The following ZNF605 variants were observed in gnomAD, a reference collection of about 807,000 sequenced individuals.
ZNF605 encodes the protein zinc finger protein 605.
Under a neutral mutation model 7.9 loss-of-function variants are expected in ZNF605, and 9 were observed. The observed-to-expected ratio is 1.14, with a 90% confidence interval of 0.68 to 1.98. The LOEUF (loss-of-function observed/expected upper bound fraction) is 1.98. Ranked by LOEUF, ZNF605 falls within the 30% of genes most tolerant of loss-of-function variation. The pLI, the probability that ZNF605 is intolerant of heterozygous loss-of-function variation, is 0.00. For synonymous variants in ZNF605, 255 were observed against 260.1 expected, an observed-to-expected ratio of 0.98 and a Z score of 0.19; for missense variants, 673 against 762.4, an observed-to-expected ratio of 0.88 and a Z score of 1.38.
intron 3 of ZNF605, chr12:132,945,297 G>C: frequency 1.1e-6 from 1 of 890,446 alleles, no homozygotes; most frequent in Non-Finnish European, 1.8e-6. Flanking sequence ...TCTACTTTGT[G>C]CTTCTTTGGA....
At position 132,920,428 on chromosome 12, in the gene ZNF605, C is replaced by CT. The variant is rs1566226284; in HGVS notation, c.*4944_*4945insA. The CT allele has an allele frequency of 6.6e-6, 1 of 152,164 alleles. No homozygotes were observed. The highest frequency in any genetic ancestry group is 1.9e-4 in the East Asian group (1 of 5,186). 9.4% of individuals were successfully genotyped at this position (152,164 alleles called of 1,614,324 possible). On this transcript the variant is annotated 3_prime_UTR_variant, in exon 5 of 5. Coordinates refer to ENST00000360187, the MANE Select transcript of ZNF605 (RefSeq NM_183238.4). ...TGCTGGGATTACAGGCGTGAGCCAC[C>CT]GCGCCTGGCCTGGTTTATTTAATGT...
chr12:132,931,097 T>C (rs1237569268), intron 4 of ZNF605, among the ~76,000 whole-genome samples: 1 of 152,160 alleles, frequency 6.6e-6, no homozygotes, highest in Non-Finnish European at 1.5e-5. Flanking sequence ...GAGGAGCTCA[T>C]GAGTCCAGAT....
rs1169628060 is a variant in ZNF605 at position 132,940,486 on chromosome 12, C to G, written c.15+5135G>C. Among the ~76,000 whole-genome samples, 5 of 152,256 alleles carry G rather than the reference C, an allele frequency of 3.3e-5. No homozygotes were observed. The South Asian group carries it at 1.0e-3, about 32-fold the overall frequency. On this transcript the variant is annotated intron_variant, in intron 3 of 4. Coordinates refer to ENST00000360187, the MANE Select transcript of ZNF605 (RefSeq NM_183238.4). ...GTGTACAGCCAACGTACTGTGGATG[C>G]TACAGGACTATGATGTGGTCCCCGG...
chr12:132,932,891 C>CA, intron 4 of ZNF605, 144 bp downstream of exon 4: 1 of 1,355,180 alleles, frequency 7.4e-7, no homozygotes, highest in Non-Finnish European at 9.8e-7. Flanking sequence ...ATAAAGGCTG[C>CA]AAAATAAAGC....
Position 132,941,227 on chromosome 12 carries a change from C to A in ZNF605, c.15+4394G>T, listed in dbSNP as rs902776743. Among the ~76,000 whole-genome samples, 6 of 152,134 alleles carry A rather than the reference C, an allele frequency of 3.9e-5. No homozygotes were observed. The highest frequency in any genetic ancestry group is 8.8e-5 in the Non-Finnish European group (6 of 68,028). ...GAGAAACGTCCCACAGAGATGCAGA[C>A]ATGGCCTAGACCGAGCCTCCGCGTG... On this transcript the variant is annotated intron_variant, in intron 3 of 4. Transcript: ENST00000360187. This position sits in a 1 kb window ranked among gnomAD's most constrained non-coding sequence, Gnocchi z 5.1.
intron 3 of ZNF605, among the ~76,000 whole-genome samples, chr12:132,939,810 G>C (rs1256934235): frequency 5.3e-5 from 8 of 150,828 alleles, no homozygotes; most frequent in Non-Finnish European, 1.2e-4. Flanking sequence ...TTTATGAGCT[G>C]TAACACTCAC....
chr12:132,945,566 A>T (rs2003124), intron 3 of ZNF605, 55 bp downstream of exon 3: 33,183 of 434,766 alleles, frequency 0.076, 3,975 homozygotes, highest in Non-Finnish European at 0.091. Flanking sequence ...ATAAACCGAT[A>T]ACCCACCTGT....
chr12:132,951,069 G>A (rs1952558452), intron 1 of ZNF605, among the ~76,000 whole-genome samples: 1 of 147,922 alleles, frequency 6.8e-6, no homozygotes, highest in South Asian at 2.1e-4. Context: ...ACACAGACAT[G>A]TACACACACT....
In ZNF605 at chr12:132,931,946, T is replaced by G. The variant is rs113088253; in HGVS notation, c.136+1089A>C. 4.8e-3 allele frequency among the ~76,000 whole-genome samples: 724 copies of G among 152,204 alleles called. 5 individuals carry two copies. The highest frequency in any genetic ancestry group is 0.017 in the African/African-American group (694 of 41,532). The stretch of plus-strand genomic sequence containing the variant: ...GTATTAGGGTTTTGTGTGTGTGTGT[T>G]TTTGTTTTTAGAGACAGGGTCTCAC... On this transcript the variant is annotated intron_variant, in intron 4 of 4. Coordinates refer to ENST00000360187, the MANE Select transcript of ZNF605 (RefSeq NM_183238.4).
intron 3 of ZNF605, among the ~76,000 whole-genome samples, chr12:132,940,796 T>C (rs11612046): frequency 0.16 from 24,405 of 152,126 alleles, 2,462 homozygotes; most frequent in Non-Finnish European, 0.23. Context: ...CAGGTTTGTT[T>C]TGTGGGTTTA....
intron 1 of ZNF605, among the ~76,000 whole-genome samples, chr12:132,951,534 TCACA>T (rs535122185): frequency 1.4e-5 from 2 of 146,964 alleles, no homozygotes; most frequent in Admixed American, 1.4e-4. Context: ...TACACGTACG[TCACA>T]CACACACATA....
intron 3 of ZNF605, among the ~76,000 whole-genome samples, chr12:132,943,419 C>T (rs1952465929): frequency 6.6e-6 from 1 of 151,720 alleles, no homozygotes; most frequent in Admixed American, 6.6e-5. Flanking sequence ...CAGGCAATTA[C>T]CAAGGCTTTA....
Position 132,925,996 on chromosome 12 carries a change from G to C in ZNF605, c.1303C>G (p.Gln435Glu). The C allele has an allele frequency of 6.2e-7, 1 of 1,614,176 alleles. No homozygotes were observed. Among genetic ancestry groups the C allele is most frequent in the South Asian group, 1.1e-5 (1 of 91,084 alleles). The change falls in exon 5 of 5, where the codon CAG (glutamine) becomes GAG (glutamate). Residue 435 changes from glutamine (Q) to glutamate (E), a missense_variant. Transcript: ENST00000360187. ...TGTGTTCTGTGATGCGTTAGGAGCT[G>C]GGACTTCCCAAAGAAGGTTTTCCCA... The part of the protein sequence containing the change: ...QCGKTFFGKS[Q>E]LLTHHRTHTG...
At chr12:132,931,681 A>T (rs1279508437) in intron 4 of ZNF605, among the ~76,000 whole-genome samples, 1 of 152,226 alleles carries the variant, frequency 6.6e-6, no homozygotes, top group African/African-American at 2.4e-5. Context: ...TTGAGCATAG[A>T]AAAATAAGTG....
At chr12:132,954,985 C>G (rs2137173548) in intron 1 of ZNF605, among the ~76,000 whole-genome samples, 1 of 152,270 alleles carries the variant, frequency 6.6e-6, no homozygotes, top group South Asian at 2.1e-4. Flanking sequence ...CCACCCCATA[C>G]TCGCCTCCGC....
intron 1 of ZNF605, among the ~76,000 whole-genome samples, chr12:132,952,947 C>G (rs1348571208): frequency 2.6e-5 from 4 of 152,000 alleles, no homozygotes; most frequent in Non-Finnish European, 5.9e-5. Flanking sequence ...TACCAAGTCC[C>G]AGAGAGGGCC....
At position 132,925,533 on chromosome 12, in the gene ZNF605, T is replaced by C. The variant is rs1952238638; in HGVS notation, c.1766A>G (p.Tyr589Cys). 6.2e-7 allele frequency: 1 copy of C among 1,614,106 alleles called. No homozygotes were observed. Among genetic ancestry groups the C allele is most frequent in the South Asian group, 1.1e-5 (1 of 91,092 alleles). ...HQRIHTGERP[Y>C]KCGECGKSFT... is the part of the protein sequence containing the mutation. ...AGATTTCCCACATTCACCACATTTA[T>C]ATGGTCTCTCTCCTGTATGAATTCT... Residue 589 changes from tyrosine to cysteine, a missense_variant, in exon 5 of 5, where the codon TAT (tyrosine) becomes TGT (cysteine). By Grantham distance (194) the Tyr-to-Cys change is radical (BLOSUM62 -2). Coordinates refer to ENST00000360187, the MANE Select transcript of ZNF605 (RefSeq NM_183238.4).
At chr12:132,945,887 T>G (rs1387322704) in intron 2 of ZNF605, 90 bp from the exon 3 acceptor site, 10 of 618,490 alleles carry the variant, frequency 1.6e-5, no homozygotes, top group Non-Finnish European at 2.8e-5. Context: ...CTCAGATTAT[T>G]TAAAGTCTCG....
rs754665563 is a variant in ZNF605 at position 132,951,471 on chromosome 12, C to T, written c.-285-3201G>A. Reference sequence around the variant, plus strand: ...ATACATATACACACTCAGACATGCACGCAGATTCATACATACATCACATAT... The same window carrying T: ...ATACATATACACACTCAGACATGCATGCAGATTCATACATACATCACATAT... On this transcript the variant is annotated intron_variant, in intron 1 of 4. Coordinates refer to ENST00000360187, the MANE Select transcript of ZNF605 (RefSeq NM_183238.4). 4.4e-3 allele frequency among the ~76,000 whole-genome samples: 646 copies of T among 146,208 alleles called. 3 individuals are homozygous for T. Among genetic ancestry groups the T allele is most frequent in the Admixed American group, 6.6e-3 (97 of 14,682 alleles).
Sources: allele counts gnomAD v4.1 joint callset (sites outside exome capture counted in the v4.1 genomes callset), GRCh38; gene constraint gnomAD v4.1.1; non-coding constraint Gnocchi (gnomAD v3.1); transcripts MANE v1.5; gene names NCBI Gene and HGNC (gene_info 2026-07-23, HGNC 2026-07-21).